SERPINB8: variants seen among roughly 807,000 people sequenced by gnomAD.
The protein encoded by SERPINB8 is serpin B8.
SERPINB8 carries 25 observed loss-of-function variants against 35.3 expected under a neutral mutation model. The ratio of observed to expected loss-of-function variants is 0.71; its 90% CI spans 0.52 to 0.99. SERPINB8 has a LOEUF of 0.99. SERPINB8 is among the 50% of genes least tolerant of loss of function. The probability of loss-of-function intolerance (pLI) is 0.00; values close to 1 mark genes in which losing one functional copy is unlikely to be tolerated. For missense variants in SERPINB8, 484 were observed against 446.5 expected (o/e 1.08, Z -0.76); for synonymous variants, 186 against 160.8 (o/e 1.16, Z -1.19).
In SERPINB8 at chr18:63,987,041, G is replaced by A. The variant is rs1338334725; in HGVS notation, c.888G>A (p.Lys296=). The A allele has an allele frequency of 1.2e-6, 2 of 1,614,200 alleles. No homozygotes were observed. The highest frequency in any genetic ancestry group is 1.1e-5 in the South Asian group (1 of 91,080). The stretch of plus-strand genomic sequence containing the variant: ...TGATCGATGCTTTTGACGAAGCCAA[G>A]GCAGACTTTTCTGGAATGTCAACTG... ...LGMIDAFDEA[K]ADFSGMSTEK... Residue 296 remains lysine, a synonymous_variant, in exon 7 of 7, where the codon AAG becomes AAA. Transcript: ENST00000397985.
At chr18:63,981,372 T>C (rs1429008068) in intron 3 of SERPINB8, among the ~76,000 whole-genome samples, 2 of 152,164 alleles carry the variant, frequency 1.3e-5, no homozygotes, top group Non-Finnish European at 2.9e-5. Flanking sequence ...AGTAAAAGTG[T>C]GTTAGACTGC....
intron 1 of SERPINB8, among the ~76,000 whole-genome samples, chr18:63,976,350 A>G (rs2050581546): frequency 6.6e-6 from 1 of 152,198 alleles, no homozygotes. Flanking sequence ...TAGGACTTAT[A>G]ATAATGCACT....
intron 1 of SERPINB8, among the ~76,000 whole-genome samples, chr18:63,999,284 A>G (rs1301343188): frequency 4.6e-5 from 7 of 152,206 alleles, no homozygotes; most frequent in Admixed American, 4.6e-4. Flanking sequence ...TTTGGCTGCC[A>G]TGCCACTGAA....
rs1424975710 is a variant in SERPINB8, at chr18:63,988,615, C to T, written c.*1337C>T. The T allele has an allele frequency of 6.6e-6, 1 of 152,172 alleles. No individual in the cohort carries two copies. Among genetic ancestry groups the T allele is most frequent in the Admixed American group, 6.5e-5 (1 of 15,282 alleles). The allele number at this position is 152,172 out of a possible 1,614,324, so 9.4% of individuals were successfully genotyped here. A position where few individuals can be genotyped will look rare whatever the true frequency, so the allele number is the denominator to read the frequency against. On this transcript the variant is annotated 3_prime_UTR_variant, in exon 7 of 7. Coordinates refer to ENST00000397985, the MANE Select transcript of SERPINB8 (RefSeq NM_002640.4). ...CTGTTTATACCACCACTGACTGCTG[C>T]CTGCTTTATTATTTCTTTAATGAGT...
chr18:63,978,508 A>C, intron 2 of SERPINB8, 32 bp downstream of exon 2: 1 of 1,610,576 alleles, frequency 6.2e-7, no homozygotes, highest in African/African-American at 1.3e-5. Context: ...GAAGGAGAAC[A>C]GTGTGTTTCC....
chr18:63,985,868 A>G (rs2050745517), intron 6 of SERPINB8, among the ~76,000 whole-genome samples: 1 of 152,188 alleles, frequency 6.6e-6, no homozygotes, highest in South Asian at 2.1e-4. Flanking sequence ...GCACTTGTAA[A>G]CCAGCTCTGG....
chr18:64,006,761 T>C (rs1345544370), downstream of SERPINB8, among the ~76,000 whole-genome samples: 1 of 152,188 alleles, frequency 6.6e-6, no homozygotes, highest in African/African-American at 2.4e-5. Context: ...TATATACTTA[T>C]GACTAGAGTA....
intron 6 of SERPINB8, among the ~76,000 whole-genome samples, chr18:63,985,721 A>G (rs1393653710): frequency 6.6e-6 from 1 of 152,238 alleles, no homozygotes; most frequent in Non-Finnish European, 1.5e-5. Context: ...CCACACTATG[A>G]ATAGCAAAAG....
intron 1 of SERPINB8, 74 bp from the exon 2 acceptor site, chr18:63,978,225 C>A: frequency 6.5e-7 from 1 of 1,531,636 alleles, no homozygotes; most frequent in Non-Finnish European, 9.0e-7. Flanking sequence ...CGTCCACTGA[C>A]TGGGGGATGA....
intron 5 of SERPINB8, among the ~76,000 whole-genome samples, chr18:63,984,179 A>T (rs948239857): frequency 6.6e-6 from 1 of 152,220 alleles, no homozygotes; most frequent in Non-Finnish European, 1.5e-5. Flanking sequence ...CCTCCTGTGT[A>T]TCTTTAATGG....
At chr18:63,998,552 C>T (rs1209244008) in intron 1 of SERPINB8, among the ~76,000 whole-genome samples, 1 of 152,200 alleles carries the variant, frequency 6.6e-6, no homozygotes, top group African/African-American at 2.4e-5. Context: ...TGGGGTCTCA[C>T]TGCGGCAATT....
intron 1 of SERPINB8, among the ~76,000 whole-genome samples, chr18:63,995,775 A>C (rs535983758): frequency 3.8e-4 from 58 of 152,360 alleles, no homozygotes; most frequent in African/African-American, 1.4e-3. Context: ...TGTTCACTGC[A>C]CAGAAAGCCA....
At chr18:64,000,654 T>C (rs1402794280) in intron 1 of SERPINB8, among the ~76,000 whole-genome samples, 1 of 152,168 alleles carries the variant, frequency 6.6e-6, no homozygotes, top group African/African-American at 2.4e-5. Flanking sequence ...AGGGGCTCTG[T>C]TGGGACACTG....
intron 6 of SERPINB8, among the ~76,000 whole-genome samples, chr18:63,985,785 T>G (rs2050744477): frequency 6.6e-6 from 1 of 152,170 alleles, no homozygotes; most frequent in South Asian, 2.1e-4. Context: ...AAAGTCTTAC[T>G]GTGACAGAAA....
At chr18:64,013,965 T>C (rs1413484201) in intron 7 of SERPINB8, among the ~76,000 whole-genome samples, 1 of 152,208 alleles carries the variant, frequency 6.6e-6, no homozygotes. Flanking sequence ...AAAAGACTTA[T>C]ATTCATAATT....
chr18:64,004,810 T>C (rs892070178), intron 1 of SERPINB8: 5 of 398,428 alleles, frequency 1.3e-5, no homozygotes. Flanking sequence ...ATCTTGTGCC[T>C]CCTAACAGGA....
chr18:63,999,114 C>G (rs1599164720), intron 1 of SERPINB8, among the ~76,000 whole-genome samples: 3 of 152,168 alleles, frequency 2.0e-5, no homozygotes, highest in Admixed American at 6.5e-5. Flanking sequence ...AGATACGGGG[C>G]AAGAAGTGGG....
At chr18:63,982,217 G>A (rs948464097) in intron 4 of SERPINB8, among the ~76,000 whole-genome samples, 3 of 152,048 alleles carry the variant, frequency 2.0e-5, no homozygotes, top group African/African-American at 7.3e-5. Context: ...TATCTCCTCC[G>A]CGTGGTAATG....
Position 63,988,798 on chromosome 18 carries a change from G to C in SERPINB8, c.*1520G>C, listed in dbSNP as rs2144829119. ...ATCATGTTTTCCAAAGCAGGTTTGG[G>C]CAAAATTAATCCACAGGACTGAAAG... On this transcript the variant is annotated 3_prime_UTR_variant, in exon 7 of 7. Coordinates refer to ENST00000397985, the MANE Select transcript of SERPINB8 (RefSeq NM_002640.4). The C allele has an allele frequency of 6.6e-6, 1 of 152,272 alleles. No individual in the cohort carries two copies. Among genetic ancestry groups the C allele is most frequent in the African/African-American group, 2.4e-5 (1 of 41,530 alleles). The allele number at this position is 152,272 out of a possible 1,614,324, so 9.4% of individuals were successfully genotyped here.
Sources: gnomAD v4.1 joint callset for allele counts (sites outside exome capture counted in the v4.1 genomes callset) on GRCh38, gnomAD v4.1.1 for gene constraint, MANE v1.5 for transcripts, NCBI Gene and HGNC (gene_info 2026-07-23, HGNC 2026-07-21) for gene names.